Variants in CIT observed in about 807,000 individuals in gnomAD.
CIT encodes the protein citron Rho-interacting kinase.
Under a neutral mutation model 272.7 loss-of-function variants are expected in CIT, and 79 were observed. That is an observed-to-expected ratio of 0.29 (90% CI 0.24 to 0.35). The LOEUF is 0.35. Among genes scored for constraint, CIT ranks in the 10% least tolerant of loss-of-function variants. The pLI is 1.00. For missense variants in CIT, 1,909 were observed against 2,618.3 expected, an observed-to-expected ratio of 0.73 and a Z score of 5.91; for synonymous variants, 948 against 995.6, an observed-to-expected ratio of 0.95 and a Z score of 0.90.
At chr12:119,826,605 T>A (rs1156531634) in intron 7 of CIT, among the ~76,000 whole-genome samples, 2 of 152,216 alleles carry the variant, frequency 1.3e-5, no homozygotes, top group Non-Finnish European at 2.9e-5. Context: ...GTCTAAAGAT[T>A]CCTTCTCTAA....
At chr12:119,702,252 G>T (rs1956633156) in intron 41 of CIT, among the ~76,000 whole-genome samples, 1 of 148,594 alleles carries the variant, frequency 6.7e-6, no homozygotes, top group South Asian at 2.1e-4. Context: ...TTACAAGCTT[G>T]AGCCACTGCA....
intron 3 of CIT, among the ~76,000 whole-genome samples, chr12:119,868,763 C>G (rs929777539): frequency 2.6e-5 from 4 of 152,194 alleles, no homozygotes; most frequent in African/African-American, 9.6e-5. Context: ...GTCTTGAACT[C>G]CTGGGCTCAA....
At chr12:119,871,165 C>T (rs1950666746) in intron 2 of CIT, among the ~76,000 whole-genome samples, 1 of 150,986 alleles carries the variant, frequency 6.6e-6, no homozygotes, top group Middle Eastern at 3.2e-3. Flanking sequence ...TACTGAAAGA[C>T]CTCATGGAGA....
intron 2 of CIT, among the ~76,000 whole-genome samples, chr12:119,869,523 G>A (rs962697428): frequency 1.3e-5 from 2 of 152,186 alleles, no homozygotes; most frequent in Non-Finnish European, 2.9e-5. Context: ...CTCTGGCTCT[G>A]ACATGCTTCC....
intron 5 of CIT, among the ~76,000 whole-genome samples, chr12:119,846,105 C>CT (rs1283632856): frequency 6.6e-6 from 1 of 152,146 alleles, no homozygotes; most frequent in Non-Finnish European, 1.5e-5. Flanking sequence ...GATTTGAGAA[C>CT]TGTTTAGACA....
Position 119,804,149 on chromosome 12 carries a change from T to C in CIT, c.1112-760A>G. On this transcript the variant is annotated intron_variant, in intron 9 of 47. Transcript: ENST00000392521. The surrounding 1 kb of genome is among the most constrained non-coding windows in gnomAD (Gnocchi z 5.3). The stretch of plus-strand genomic sequence containing the variant: ...GACGGTGGGAATGCACGGATGGACA[T>C]ATGCGGCTCCTACCTCCTCAGGGCT... 3 of 985,318 alleles carry C rather than the reference T, an allele frequency of 3.0e-6. No homozygotes were observed. Among genetic ancestry groups the C allele is most frequent in the Non-Finnish European group, 2.4e-6 (2 of 829,848 alleles). 61.0% of individuals were successfully genotyped at this position (985,318 alleles called of 1,614,324 possible).
At chr12:119,711,578 A>C (rs189752398) in intron 37 of CIT, among the ~76,000 whole-genome samples, 1 of 152,324 alleles carries the variant, frequency 6.6e-6, no homozygotes, top group East Asian at 1.9e-4. Flanking sequence ...TTTCCTTATA[A>C]GTACATTTGC....
Position 119,784,495 on chromosome 12 carries a change from A to T in CIT, c.1402-444T>A. On this transcript the variant is annotated intron_variant, in intron 11 of 47. Coordinates refer to ENST00000392521, the MANE Select transcript of CIT (RefSeq NM_001206999.2). The surrounding 1 kb of genome is among the most constrained non-coding windows in gnomAD (Gnocchi z 4.7). ...GCACTCTTAGGAGTCCCAGGCAAGC[A>T]GTGACTTATTAGTTTCCAGAGCGTT... 1 of 1,190,040 alleles carries T rather than the reference A, an allele frequency of 8.4e-7. No homozygotes were observed. Among genetic ancestry groups the T allele is most frequent in the South Asian group, 1.6e-5 (1 of 61,152 alleles). The allele number at this position is 1,190,040 out of a possible 1,614,324, so 73.7% of individuals were successfully genotyped here.
intron 40 of CIT, among the ~76,000 whole-genome samples, chr12:119,707,317 A>AT (rs1956930964): frequency 1.3e-5 from 2 of 152,192 alleles, no homozygotes; most frequent in Non-Finnish European, 2.9e-5. Flanking sequence ...GGCTACACAA[A>AT]TTATTTCACG....
intron 10 of CIT, among the ~76,000 whole-genome samples, chr12:119,786,919 C>G (rs2137732017): frequency 6.6e-6 from 1 of 152,266 alleles, no homozygotes; most frequent in East Asian, 1.9e-4. Context: ...GCCAGAAGTT[C>G]AAGACGGGCC....
chr12:119,711,057 A>C, intron 37 of CIT: 1 of 1,367,228 alleles, frequency 7.3e-7, no homozygotes, highest in Non-Finnish European at 9.8e-7. Flanking sequence ...ACCTGAACCC[A>C]GGCAGGCAGA....
chr12:119,735,100 A>G, intron 25 of CIT, 60 bp downstream of exon 25: 1 of 1,530,234 alleles, frequency 6.5e-7, no homozygotes, highest in East Asian at 2.3e-5. Flanking sequence ...CGCACCAAGC[A>G]CTCCTAAAAT....
At chr12:119,781,761 T>C (rs1459813607) in intron 13 of CIT, among the ~76,000 whole-genome samples, 1 of 152,240 alleles carries the variant, frequency 6.6e-6, no homozygotes, top group African/African-American at 2.4e-5. Context: ...GTGTTAATCC[T>C]GACTTGACCT....
At chr12:119,688,519 T>C (rs1955713128) in intron 47 of CIT, among the ~76,000 whole-genome samples, 1 of 152,238 alleles carries the variant, frequency 6.6e-6, no homozygotes, top group Non-Finnish European at 1.5e-5. Flanking sequence ...CATCGGTCAA[T>C]TGGGAGGGAT....
chr12:119,873,352 A>G (rs918094938), intron 2 of CIT, among the ~76,000 whole-genome samples: 2 of 147,994 alleles, frequency 1.4e-5, no homozygotes, highest in Non-Finnish European at 3.0e-5. Context: ...ATCTTAGCTC[A>G]CTGCAACCTC....
Position 119,776,693 on chromosome 12 carries a change from T to A in CIT, c.1815A>T (p.Glu605Asp). The part of the protein sequence containing the change: ...AAEEFKRKAT[E>D]CQHKLLKAKD... ...CTACCTTCAACAGTTTATGCTGACA[T>A]TCTGTCGCTTTCCGCTTGAATTCTT... The change falls in exon 14 of 48, where the codon GAA becomes GAT. Residue 605 changes from glutamate to aspartate, a missense_variant. Transcript: ENST00000392521. 1 of 1,613,792 alleles carries A rather than the reference T, an allele frequency of 6.2e-7. No homozygotes were observed. The highest frequency in any genetic ancestry group is 8.5e-7 in the Non-Finnish European group (1 of 1,179,942).
chr12:119,783,600 G>A (rs1964502370), intron 12 of CIT: 1 of 216,614 alleles, frequency 4.6e-6, no homozygotes, highest in Admixed American at 5.2e-5. Flanking sequence ...AGACCACAGA[G>A]GCTGGGATGG....
chr12:119,743,776 G>A (rs1959168737), intron 23 of CIT, among the ~76,000 whole-genome samples: 2 of 152,110 alleles, frequency 1.3e-5, no homozygotes, highest in South Asian at 2.1e-4. Context: ...CTTAGAAACA[G>A]TGAAATACAG....
intron 28 of CIT, among the ~76,000 whole-genome samples, chr12:119,722,894 T>C (rs1168688959): frequency 6.6e-6 from 1 of 151,940 alleles, no homozygotes; most frequent in African/African-American, 2.4e-5. Flanking sequence ...AGCTACCAAC[T>C]AAAGATCACC....
Sources: gnomAD v4.1 joint callset for allele counts (sites outside exome capture counted in the v4.1 genomes callset) on GRCh38, gnomAD v4.1.1 for gene constraint, Gnocchi (gnomAD v3.1) non-coding constraint, MANE v1.5 for transcripts, NCBI Gene and HGNC (gene_info 2026-07-23, HGNC 2026-07-21) for gene names.